CSMD1: variants seen among roughly 807,000 people sequenced by gnomAD.
CSMD1 encodes the protein CUB and Sushi multiple domains 1.
A neutral mutation model predicts 417.5 loss-of-function variants in CSMD1; 213 were observed. The observed-to-expected ratio is 0.51, with a 90% CI of 0.46 to 0.57. The LOEUF is 0.57. Ranked by LOEUF, CSMD1 falls within the 20% of genes least tolerant of loss-of-function variation. The probability of loss-of-function intolerance (pLI) is 0.00; values close to 1 mark genes in which losing one functional copy is unlikely to be tolerated. For missense variants in CSMD1, 6,923 were observed against 4,529.7 expected (o/e 1.53, Z -15.17); for synonymous variants, 2,862 against 1,736.8 (o/e 1.65, Z -16.11).
intron 3 of CSMD1, among the ~76,000 whole-genome samples, chr8:4,228,568 C>T (rs1326408464): frequency 6.8e-6 from 1 of 147,202 alleles, no homozygotes; most frequent in Non-Finnish European, 1.5e-5. Flanking sequence ...GTATCCTTGG[C>T]AATTCTCTTC....
Position 2,937,069 on chromosome 8 carries a change from T to A in CSMD1, c.*1516A>T, listed in dbSNP as rs957664013. Reference sequence around the variant, plus strand: ...AAATAAGTATAAGTAAAAGTAAACATGATTTTCACTTTGAATTTGTTACAT... The same window carrying A: ...AAATAAGTATAAGTAAAAGTAAACAAGATTTTCACTTTGAATTTGTTACAT... On this transcript the variant is annotated 3_prime_UTR_variant, in exon 70 of 70. Transcript: ENST00000635120. 6.6e-6 allele frequency: 1 copy of A among 152,200 alleles called. No homozygotes were observed. The highest frequency in any genetic ancestry group is 2.4e-5 in the African/African-American group (1 of 41,446). The allele number at this position is 152,200 out of a possible 1,614,324, so 9.4% of individuals were successfully genotyped here.
intron 1 of CSMD1, among the ~76,000 whole-genome samples, chr8:4,934,362 ATATGAAAATATTGTTT>A (rs1807458794): frequency 6.6e-6 from 1 of 152,218 alleles, no homozygotes; most frequent in Non-Finnish European, 1.5e-5. Flanking sequence ...ATTTGTATAG[ATATGAAAATATTGTTT>A]TATGAAGCCA....
intron 11 of CSMD1, among the ~76,000 whole-genome samples, chr8:3,485,294 G>A (rs771935773): frequency 6.6e-6 from 1 of 152,136 alleles, no homozygotes; most frequent in African/African-American, 2.4e-5. Context: ...ATCATAGAAG[G>A]TAACACACTA....
intron 3 of CSMD1, among the ~76,000 whole-genome samples, chr8:4,349,645 C>T (rs1800972997): frequency 6.6e-6 from 1 of 152,132 alleles, no homozygotes; most frequent in African/African-American, 2.4e-5. Context: ...TGCATACCTT[C>T]ATAATATTTG....
intron 5 of CSMD1, among the ~76,000 whole-genome samples, chr8:3,794,856 A>G (rs1176146983): frequency 8.3e-6 from 1 of 120,688 alleles, no homozygotes; most frequent in African/African-American, 2.7e-5. Context: ...CATATCCGGG[A>G]TCAATTTACC....
At chr8:4,332,919 A>T (rs1348992877) in intron 3 of CSMD1, among the ~76,000 whole-genome samples, 1 of 149,768 alleles carries the variant, frequency 6.7e-6, no homozygotes, top group African/African-American at 2.5e-5. Context: ...GTACTTTACT[A>T]TCACATTTTT....
rs2406975 is a variant in CSMD1 at position 3,572,486 on chromosome 8, T to C, written c.1344+2459A>G. Among the ~76,000 whole-genome samples, 752 of 152,314 alleles carry C rather than the reference T, an allele frequency of 4.9e-3. 2 individuals are homozygous for C. The highest frequency in any genetic ancestry group is 0.024 in the Middle Eastern group (7 of 294). The stretch of plus-strand genomic sequence containing the variant: ...CCAGCGTTTCTAATTTTATGTAATC[T>C]CCACTTTCACACACTTTTAAAATTT... On this transcript the variant is annotated intron_variant, in intron 10 of 69. Transcript: ENST00000635120.
At chr8:3,663,122 G>A (rs1291195418) in intron 7 of CSMD1, among the ~76,000 whole-genome samples, 1 of 152,138 alleles carries the variant, frequency 6.6e-6, no homozygotes, top group East Asian at 1.9e-4. Flanking sequence ...TGAAGCAGTG[G>A]GGGCCTCAGG....
At chr8:3,311,013 T>G (rs996197661) in intron 23 of CSMD1, among the ~76,000 whole-genome samples, 3 of 152,162 alleles carry the variant, frequency 2.0e-5, no homozygotes, top group African/African-American at 2.4e-5. Flanking sequence ...CACAGGCTGC[T>G]CAACTTAACA....
chr8:4,667,839 CT>C, intron 1 of CSMD1, among the ~76,000 whole-genome samples: 1 of 152,050 alleles, frequency 6.6e-6, no homozygotes, highest in Middle Eastern at 3.4e-3. Context: ...ATTTGTAAAC[CT>C]TTTATAGCTT....
chr8:3,412,972 A>G (rs564040784), intron 12 of CSMD1, among the ~76,000 whole-genome samples: 5 of 152,328 alleles, frequency 3.3e-5, no homozygotes, highest in Non-Finnish European at 7.4e-5. Context: ...AAATCTGTGC[A>G]GTCAGGAGTC....
At chr8:3,848,688 G>A (rs1185427982) in intron 5 of CSMD1, among the ~76,000 whole-genome samples, 3 of 151,984 alleles carry the variant, frequency 2.0e-5, no homozygotes, top group Non-Finnish European at 2.9e-5. Context: ...TATGCTCCTT[G>A]CACCATCTGT....
chr8:3,312,799 C>T (rs974975084), intron 23 of CSMD1, among the ~76,000 whole-genome samples: 1 of 117,392 alleles, frequency 8.5e-6, no homozygotes, highest in African/African-American at 3.5e-5. Context: ...CTCAGGTTCT[C>T]AAAGGCAGTT....
intron 1 of CSMD1, among the ~76,000 whole-genome samples, chr8:4,895,871 T>G (rs1459391869): frequency 6.6e-6 from 1 of 152,160 alleles, no homozygotes; most frequent in African/African-American, 2.4e-5. Flanking sequence ...TTCACTTGCC[T>G]TTTGTTACTT....
chr8:3,239,724 C>A (rs890167011), intron 26 of CSMD1, among the ~76,000 whole-genome samples: 1 of 152,074 alleles, frequency 6.6e-6, no homozygotes, highest in Non-Finnish European at 1.5e-5. Flanking sequence ...CCTTTGCTGG[C>A]GTGGGGCGAT....
rs146434629 is a variant in CSMD1 at position 3,438,401 on chromosome 8, C to G, written c.1562-28796G>C. ...AACACAGACATCCCTCCCGTTGACC[C>G]TTGATAGCTACACTTACTTTGGCCC... On this transcript the variant is annotated intron_variant, in intron 12 of 69. Transcript: ENST00000635120. Among the ~76,000 whole-genome samples the G allele has an allele frequency of 4.4e-3, 668 of 152,252 alleles. 2 individuals are homozygous for G. Among genetic ancestry groups the G allele is most frequent in the Middle Eastern group, 0.034 (10 of 294 alleles).
chr8:4,440,336 T>A (rs562780280), intron 2 of CSMD1, among the ~76,000 whole-genome samples: 2 of 152,294 alleles, frequency 1.3e-5, no homozygotes, highest in East Asian at 1.9e-4. Context: ...CTGGGAAGCA[T>A]GTAAATAAAT....
intron 49 of CSMD1, among the ~76,000 whole-genome samples, chr8:3,057,469 T>C (rs1198582521): frequency 3.3e-5 from 5 of 152,130 alleles, no homozygotes; most frequent in African/African-American, 1.2e-4. Context: ...TGTTTGTGTA[T>C]ATATATATGT....
At chr8:4,123,267 G>A (rs866775786) in intron 3 of CSMD1, among the ~76,000 whole-genome samples, 3 of 152,188 alleles carry the variant, frequency 2.0e-5, no homozygotes, top group Non-Finnish European at 2.9e-5. Context: ...AGGCTTTGTA[G>A]CTTTTAGAAT....
Sources: gnomAD v4.1 joint callset for allele counts (sites outside exome capture counted in the v4.1 genomes callset) on GRCh38, gnomAD v4.1.1 for gene constraint, MANE v1.5 for transcripts, NCBI Gene and HGNC (gene_info 2026-07-23, HGNC 2026-07-21) for gene names.